Variants in PPFIA1 observed in about 807,000 individuals in gnomAD.
PPFIA1 encodes the protein PPFI scaffold protein A1, also known as liprin-alpha-1.
Under a neutral mutation model 149.9 loss-of-function variants are expected in PPFIA1, and 25 were observed. The ratio of observed to expected loss-of-function variants is 0.17; its 90% CI spans 0.12 to 0.23. The LOEUF (loss-of-function observed/expected upper bound fraction) is 0.23, where lower values mean the gene tolerates loss of function less well. Ranked by LOEUF, PPFIA1 falls within the 10% of genes least tolerant of loss-of-function variation. PPFIA1 has a pLI of 1.00. For missense variants in PPFIA1, 1,362 were observed against 1,506.5 expected (o/e 0.90, Z 1.59); for synonymous variants, 549 against 552.8 (o/e 0.99, Z 0.10).
chr11:70,333,662 A>G, intron 10 of PPFIA1, 109 bp downstream of exon 10: 1 of 850,314 alleles, frequency 1.2e-6, no homozygotes, highest in Admixed American at 2.0e-5. Context: ...TTGGTCCTCC[A>G]GCTCAGTTCT....
intron 2 of PPFIA1, among the ~76,000 whole-genome samples, chr11:70,308,922 A>G (rs888217901): frequency 6.6e-6 from 1 of 152,098 alleles, no homozygotes; most frequent in African/African-American, 2.4e-5. Context: ...GACTCTCTCG[A>G]AGAGATAAAC....
Position 70,384,104 on chromosome 11 carries a change from A to G in PPFIA1, c.*1114A>G, listed in dbSNP as rs1372532746. 6 of 152,260 alleles carry G rather than the reference A, an allele frequency of 3.9e-5. No homozygotes were observed. 9.4% of individuals were successfully genotyped at this position (152,260 alleles called of 1,614,324 possible). A position where few individuals can be genotyped will look rare whatever the true frequency, so the allele number is the denominator to read the frequency against. The stretch of plus-strand genomic sequence containing the variant: ...CCATTTTGGATTGTGTAAGTTGCAG[A>G]TGTGGCTTTTACTTTTTAAATGGCA... On this transcript the variant is annotated 3_prime_UTR_variant, in exon 28 of 28. Coordinates refer to ENST00000253925, the MANE Select transcript of PPFIA1 (RefSeq NM_003626.5).
chr11:70,339,247 G>A lies in PPFIA1; in HGVS notation c.1648G>A (p.Ala550Thr), dbSNP rs759948326. Residue 550 changes from alanine to threonine, a missense_variant, in exon 14 of 28, where the codon GCA (alanine) becomes ACA (threonine). Coordinates refer to ENST00000253925, the MANE Select transcript of PPFIA1 (RefSeq NM_003626.5). ...CCACACAGACTCCTACAGCACCAGT[G>A]CAGTGCTGCGGCGCCCACAGAAAGG... is the stretch of plus-strand genomic sequence containing the variant. ...DGHTDSYSTS[A>T]VLRRPQKGRL... The A allele has an allele frequency of 3.7e-6, 6 of 1,614,204 alleles. No homozygotes were observed. In the South Asian group the frequency reaches 6.6e-5, roughly 18 times the overall value.
chr11:70,371,916 T>C (rs1003802440), intron 21 of PPFIA1: 6 of 212,852 alleles, frequency 2.8e-5, no homozygotes, highest in Non-Finnish European at 1.9e-5. Context: ...CACATTATTA[T>C]ACTAAAAACT....
rs890663683 is a variant in PPFIA1, at chr11:70,384,081, A to G, written c.*1091A>G. On this transcript the variant is annotated 3_prime_UTR_variant, in exon 28 of 28. Coordinates refer to ENST00000253925, the MANE Select transcript of PPFIA1 (RefSeq NM_003626.5). ...ATTTTTAGACTTTGATGCTCTAGCC[A>G]TTTTGGATTGTGTAAGTTGCAGATG... The G allele has an allele frequency of 6.6e-6, 1 of 152,248 alleles. No individual in the cohort carries two copies. Among genetic ancestry groups the G allele is most frequent in the Admixed American group, 6.5e-5 (1 of 15,286 alleles). The allele number at this position is 152,248 out of a possible 1,614,324, so 9.4% of individuals were successfully genotyped here.
chr11:70,278,426 G>A (rs979098085), intron 2 of PPFIA1, among the ~76,000 whole-genome samples: 1 of 152,112 alleles, frequency 6.6e-6, no homozygotes, highest in Non-Finnish European at 1.5e-5. Context: ...CGAATTCATT[G>A]TTTTTTTAGC....
At chr11:70,275,423 G>A (rs997140946) in intron 2 of PPFIA1, among the ~76,000 whole-genome samples, 1 of 152,188 alleles carries the variant, frequency 6.6e-6, no homozygotes, top group Non-Finnish European at 1.5e-5. Flanking sequence ...ACATAGAAGT[G>A]TAAAATTTTT....
chr11:70,273,316 C>T (rs2050203369), intron 2 of PPFIA1, among the ~76,000 whole-genome samples: 1 of 151,954 alleles, frequency 6.6e-6, no homozygotes, highest in African/African-American at 2.4e-5. Flanking sequence ...GAGTATGTTA[C>T]ATTTGGACCA....
intron 2 of PPFIA1, among the ~76,000 whole-genome samples, chr11:70,310,380 A>G (rs913619205): frequency 1.4e-5 from 2 of 146,444 alleles, no homozygotes; most frequent in African/African-American, 2.6e-5. Context: ...TATTTCATCC[A>G]TGTACTTTTT....
intron 2 of PPFIA1, 29 bp downstream of exon 2, chr11:70,272,465 G>C (rs751679140): frequency 6.4e-7 from 1 of 1,554,298 alleles, no homozygotes; most frequent in South Asian, 1.2e-5. Flanking sequence ...TGAAACTATA[G>C]ATTTTTCTCC....
intron 2 of PPFIA1, among the ~76,000 whole-genome samples, chr11:70,281,529 T>C (rs1403425734): frequency 6.6e-6 from 1 of 152,234 alleles, no homozygotes. Context: ...AGTGTTGGGC[T>C]CATTTCCTGT....
chr11:70,294,134 G>A (rs1449197143), intron 2 of PPFIA1, among the ~76,000 whole-genome samples: 2 of 151,910 alleles, frequency 1.3e-5, no homozygotes, highest in East Asian at 3.9e-4. Context: ...TAGACACAGG[G>A]TTTCGCCATG....
chr11:70,285,455 G>C lies in PPFIA1; in HGVS notation c.264+13019G>C, dbSNP rs111264388. The stretch of plus-strand genomic sequence containing the variant: ...TGCCTGTAATGGGAGGCCGAGATGG[G>C]CAGATCACGAGGTCAGGAGTTCGAG... On this transcript the variant is annotated intron_variant, in intron 2 of 27. Coordinates refer to ENST00000253925, the MANE Select transcript of PPFIA1 (RefSeq NM_003626.5). Among the ~76,000 whole-genome samples the C allele has an allele frequency of 2.0e-5, 3 of 152,084 alleles. No homozygotes were observed. The South Asian group carries it at 6.2e-4, about 32-fold the overall frequency.
rs1055878661 is a variant in PPFIA1, at chr11:70,270,710, C to G, written c.-205C>G. 2.0e-5 allele frequency: 3 copies of G among 151,242 alleles called. No individual in the cohort carries two copies. Among genetic ancestry groups the G allele is most frequent in the Admixed American group, 6.6e-5 (1 of 15,204 alleles). 9.4% of individuals were successfully genotyped at this position (151,242 alleles called of 1,614,324 possible). A position where few individuals can be genotyped will look rare whatever the true frequency, so the allele number is the denominator to read the frequency against. ...CACGTAGACGCCGGCGCCGCGCAGC[C>G]GGGCCCGCTCCTCCTCCGCTCCGCC... is the stretch of plus-strand genomic sequence containing the variant. On this transcript the variant is annotated 5_prime_UTR_variant, in exon 1 of 28. Coordinates refer to ENST00000253925, the MANE Select transcript of PPFIA1 (RefSeq NM_003626.5).
intron 2 of PPFIA1, among the ~76,000 whole-genome samples, chr11:70,288,362 G>A (rs960740014): frequency 6.6e-6 from 1 of 152,126 alleles, no homozygotes; most frequent in East Asian, 1.9e-4. Context: ...CAGCCACCGC[G>A]CCCGGCCTCC....
chr11:70,326,422 G>A (rs1450676523), intron 6 of PPFIA1, 59 bp downstream of exon 6: 15 of 1,459,442 alleles, frequency 1.0e-5, no homozygotes, highest in Middle Eastern at 1.7e-4. Flanking sequence ...AGTATGTGTC[G>A]GGTTATGTGG....
At chr11:70,272,125 A>T in intron 1 of PPFIA1, 48 bp from the exon 2 acceptor site, 2 of 1,572,098 alleles carry the variant, frequency 1.3e-6, no homozygotes, top group Non-Finnish European at 1.7e-6. Context: ...ATTTGTGGGA[A>T]CCTGTATTCT....
intron 2 of PPFIA1, among the ~76,000 whole-genome samples, chr11:70,314,681 A>G (rs1395736900): frequency 2.6e-5 from 4 of 152,050 alleles, no homozygotes; most frequent in African/African-American, 9.7e-5. Flanking sequence ...GCGGTTCTGT[A>G]CTATGTTTTT....
rs142815330 is a variant in PPFIA1 at position 70,370,017 on chromosome 11, A to G, written c.2866-2198A>G. On this transcript the variant is annotated intron_variant, in intron 21 of 27. Coordinates refer to ENST00000253925, the MANE Select transcript of PPFIA1 (RefSeq NM_003626.5). ...GCCCAGGCTGGAGTGCAGTGGCTCA[A>G]TCTCAGCTCACTGCACCTCCGCCTC... 3.7e-3 allele frequency among the ~76,000 whole-genome samples: 554 copies of G among 151,670 alleles called. 3 individuals carry two copies. The highest frequency in any genetic ancestry group is 0.013 in the African/African-American group (524 of 41,318).
Sources: gnomAD v4.1 joint callset for allele counts (sites outside exome capture counted in the v4.1 genomes callset) on GRCh38, gnomAD v4.1.1 for gene constraint, MANE v1.5 for transcripts, NCBI Gene and HGNC (gene_info 2026-07-23, HGNC 2026-07-21) for gene names.